The following PCDH11X variants were observed in gnomAD, a reference collection of about 807,000 sequenced individuals.
The protein encoded by PCDH11X is protocadherin-11 X-linked.
Under a neutral mutation model 53.3 loss-of-function variants are expected in PCDH11X, and 18 were observed. That is an observed-to-expected ratio of 0.34 (90% CI 0.23 to 0.50). The LOEUF is 0.50. Ranked by LOEUF, PCDH11X falls within the 20% of genes least tolerant of loss-of-function variation. The probability of loss-of-function intolerance (pLI) is 0.98; values close to 1 mark genes in which losing one functional copy is unlikely to be tolerated. For synonymous variants in PCDH11X, 279 were observed against 393.3 expected (o/e 0.71, Z 3.44); for missense variants, 570 against 1,032.4 (o/e 0.55, Z 6.14).
chrX:92,160,052 C>T (rs758133989), intron 6 of PCDH11X, among the ~76,000 whole-genome samples: 321 of 110,620 alleles, frequency 2.9e-3, no homozygotes, highest in Non-Finnish European at 4.6e-3. Context: ...AAACAATGGC[C>T]GTTCATACAT....
At chrX:92,355,486 C>T (rs1184354185) in intron 8 of PCDH11X, among the ~76,000 whole-genome samples, 7 of 79,084 alleles carry the variant, frequency 8.9e-5, no homozygotes, top group East Asian at 4.0e-4. Context: ...TTAAAAGTAA[C>T]GCAAAACCAA....
intron 7 of PCDH11X, among the ~76,000 whole-genome samples, chrX:92,224,400 C>T (rs922597228): frequency 1.8e-5 from 2 of 111,746 alleles, no homozygotes. Context: ...CTAACATATG[C>T]ATTTTGTTAA....
chrX:92,302,435 C>T (rs1367137904), intron 8 of PCDH11X, among the ~76,000 whole-genome samples: 1 of 110,408 alleles, frequency 9.1e-6, no homozygotes, highest in Non-Finnish European at 1.9e-5. Flanking sequence ...CATTTTCTGA[C>T]GCTTTAAATG....
chrX:92,316,702 A>C (rs2148487939), intron 8 of PCDH11X, among the ~76,000 whole-genome samples: 1 of 111,129 alleles, frequency 9.0e-6, no homozygotes, highest in East Asian at 2.8e-4. Flanking sequence ...CAAATAACTT[A>C]CTGGGGTCAA....
chrX:91,800,903 G>C (rs1023223630), intron 1 of PCDH11X, among the ~76,000 whole-genome samples: 5 of 107,491 alleles, frequency 4.7e-5, no homozygotes, highest in African/African-American at 1.7e-4. Flanking sequence ...AAGGTTTATT[G>C]CTGGGCGCCC....
intron 7 of PCDH11X, among the ~76,000 whole-genome samples, chrX:92,259,983 C>T (rs1020383212): frequency 2.7e-5 from 3 of 111,437 alleles, no homozygotes; most frequent in African/African-American, 9.8e-5. Flanking sequence ...AGACAAAGTC[C>T]TCCGCATTCT....
At chrX:92,274,635 A>AG (rs2068041080) in intron 8 of PCDH11X, among the ~76,000 whole-genome samples, 1 of 109,919 alleles carries the variant, frequency 9.1e-6, no homozygotes, top group African/African-American at 3.3e-5. Context: ...TAGGGAAGGG[A>AG]GGGGGCCTGA....
At chrX:91,957,580 C>T (rs776232475) in intron 6 of PCDH11X, among the ~76,000 whole-genome samples, 1 of 110,215 alleles carries the variant, frequency 9.1e-6, no homozygotes, top group African/African-American at 3.3e-5. Context: ...TTCTCCCATA[C>T]CTGGAAGTAT....
intron 6 of PCDH11X, among the ~76,000 whole-genome samples, chrX:91,980,962 TATATATATATACACTGA>T (rs1569290297): frequency 4.4e-5 from 4 of 90,973 alleles, no homozygotes; most frequent in African/African-American, 1.7e-4. Flanking sequence ...TATGTATATA[TATATATATATACACTGA>T]ATATATATAT....
At chrX:92,212,063 G>A (rs2066600149) in intron 7 of PCDH11X, among the ~76,000 whole-genome samples, 1 of 95,978 alleles carries the variant, frequency 1.0e-5, no homozygotes, top group South Asian at 5.4e-4. Flanking sequence ...CCAAGCTGGA[G>A]TGCAGTGGTG....
rs761210229 is a variant in PCDH11X at position 92,316,178 on chromosome X, T to C, written c.3144+53035T>C. Among the ~76,000 whole-genome samples, 14 of 105,526 alleles carry C rather than the reference T, an allele frequency of 1.3e-4. 1 individual carries two copies. The East Asian group carries it at 3.7e-3, about 28-fold the overall frequency. The allele number at this position is 105,526 out of a possible 115,157, so 91.6% of individuals were successfully genotyped here. On this transcript the variant is annotated intron_variant, in intron 8 of 10. Transcript: ENST00000682573. ...TCATGGTGGCTTGCTTTAGGTGAACTCACAGTTTAGTGTAGGAGAAAGGCA... is the reference window on the plus strand; with the variant it reads ...TCATGGTGGCTTGCTTTAGGTGAACCCACAGTTTAGTGTAGGAGAAAGGCA...
chrX:92,012,970 C>T (rs1025804764), intron 6 of PCDH11X, among the ~76,000 whole-genome samples: 4 of 111,648 alleles, frequency 3.6e-5, no homozygotes, highest in Admixed American at 2.9e-4. Context: ...AAAACTGGCA[C>T]AAGACAGGGA....
intron 1 of PCDH11X, among the ~76,000 whole-genome samples, chrX:91,805,603 C>T (rs1377761665): frequency 3.6e-5 from 4 of 110,678 alleles, no homozygotes; most frequent in Non-Finnish European, 7.6e-5. Flanking sequence ...CTTGCTTGAG[C>T]TCAGGAGTTC....
intron 7 of PCDH11X, among the ~76,000 whole-genome samples, chrX:92,211,889 A>C (rs886899043): frequency 2.7e-5 from 3 of 111,453 alleles, no homozygotes; most frequent in African/African-American, 9.8e-5. Flanking sequence ...CTTATTTTCC[A>C]AGGAAAACTA....
intron 9 of PCDH11X, among the ~76,000 whole-genome samples, chrX:92,403,348 T>G (rs1430687246): frequency 3.1e-5 from 3 of 96,058 alleles, no homozygotes; most frequent in Non-Finnish European, 6.1e-5. Context: ...TGTTTTTTTT[T>G]TTTTTTTTTT....
intron 1 of PCDH11X, among the ~76,000 whole-genome samples, chrX:91,788,071 C>T (rs1321549042): frequency 9.0e-6 from 1 of 111,596 alleles, no homozygotes; most frequent in Admixed American, 9.5e-5. Context: ...TGGGTGATAG[C>T]ATGAATTAAT....
chrX:92,000,228 G>A (rs1369502322), intron 6 of PCDH11X, among the ~76,000 whole-genome samples: 1 of 111,652 alleles, frequency 9.0e-6, no homozygotes, highest in East Asian at 2.8e-4. Context: ...GACCACATTT[G>A]AGTCCAAATC....
At chrX:91,808,364 G>A (rs1936187338) in intron 1 of PCDH11X, among the ~76,000 whole-genome samples, 1 of 109,075 alleles carries the variant, frequency 9.2e-6, no homozygotes, top group Admixed American at 9.9e-5. Context: ...GCATGGTGAC[G>A]GGTGCCTGTA....
intron 10 of PCDH11X, among the ~76,000 whole-genome samples, chrX:92,604,213 C>T (rs941012689): frequency 6.4e-5 from 7 of 109,491 alleles, no homozygotes; most frequent in Non-Finnish European, 1.3e-4. Flanking sequence ...TAATTATGTA[C>T]TACTCCCCTT....
Sources: gnomAD v4.1 joint callset for allele counts (sites outside exome capture counted in the v4.1 genomes callset) on GRCh38, gnomAD v4.1.1 for gene constraint, MANE v1.5 for transcripts, NCBI Gene and HGNC (gene_info 2026-07-23, HGNC 2026-07-21) for gene names.